Variants in ZC3H12B observed in about 807,000 individuals in gnomAD.
ZC3H12B encodes the protein probable ribonuclease ZC3H12B.
A neutral mutation model predicts 43.9 loss-of-function variants in ZC3H12B; 7 were observed. The observed-to-expected ratio is 0.16, with a 90% CI of 0.09 to 0.30. The LOEUF (loss-of-function observed/expected upper bound fraction) is 0.30. Ranked by LOEUF, ZC3H12B falls within the 10% of genes least tolerant of loss-of-function variation. The pLI, the probability that ZC3H12B is intolerant of heterozygous loss-of-function variation, is 1.00. For missense variants in ZC3H12B, 475 were observed against 670.2 expected, an observed-to-expected ratio of 0.71 and a Z score of 3.22; for synonymous variants, 222 against 241.7, an observed-to-expected ratio of 0.92 and a Z score of 0.76.
At chrX:65,060,782 C>T in the ZC3H12B span, among the ~76,000 whole-genome samples, 3 of 112,152 alleles carry the variant, frequency 2.7e-5, no homozygotes, top group Admixed American at 2.8e-4. Context: ...CTCATCATCA[C>T]TGGTTTGGAA....
chrX:65,256,290 A>T, the ZC3H12B span, among the ~76,000 whole-genome samples: 2 of 112,131 alleles, frequency 1.8e-5, no homozygotes, highest in Non-Finnish European at 3.8e-5. Context: ...GTTGGACATA[A>T]AACCATTTCC....
At chrX:65,221,790 G>C in the ZC3H12B span, among the ~76,000 whole-genome samples, 1 of 110,759 alleles carries the variant, frequency 9.0e-6, no homozygotes, top group African/African-American at 3.3e-5. Flanking sequence ...TGCAAGTCCT[G>C]TTGACAATAT....
chrX:65,120,123 A>G, the ZC3H12B span, among the ~76,000 whole-genome samples: 1 of 111,869 alleles, frequency 8.9e-6, no homozygotes, highest in African/African-American at 3.2e-5. Flanking sequence ...TTAACTTGGC[A>G]GTGCAGGCTC....
chrX:65,154,834 C>A, the ZC3H12B span, among the ~76,000 whole-genome samples: 3 of 111,832 alleles, frequency 2.7e-5, no homozygotes, highest in Admixed American at 1.9e-4. Flanking sequence ...CAGAGCAAGA[C>A]CCTGTCTAAT....
intron 3 of ZC3H12B, among the ~76,000 whole-genome samples, chrX:65,425,192 A>G (rs1041501203): frequency 2.2e-4 from 24 of 111,321 alleles, no homozygotes; most frequent in Non-Finnish European, 4.3e-4. Flanking sequence ...TTCCTTTGTT[A>G]GCTCTATTCC....
At chrX:65,430,344 CTT>C (rs1242032604) in intron 3 of ZC3H12B, among the ~76,000 whole-genome samples, 2 of 98,802 alleles carry the variant, frequency 2.0e-5, no homozygotes, top group African/African-American at 3.6e-5. Context: ...CTCACCACTT[CTT>C]TTTTTTTTTT....
upstream of ZC3H12B, among the ~76,000 whole-genome samples, chrX:65,488,122 C>T (rs1435876098): frequency 4.5e-5 from 5 of 110,972 alleles, no homozygotes; most frequent in Middle Eastern, 0.014. Flanking sequence ...CCGCCCGCCT[C>T]GGCCTCCCAA....
the ZC3H12B span, among the ~76,000 whole-genome samples, chrX:65,314,782 C>T: frequency 1.8e-5 from 2 of 110,620 alleles, no homozygotes; most frequent in Non-Finnish European, 3.8e-5. Context: ...ATATATATAA[C>T]TATCTATTGA....
chrX:65,435,642 T>TA (rs1157942486), intron 3 of ZC3H12B, among the ~76,000 whole-genome samples: 1 of 85,471 alleles, frequency 1.2e-5, no homozygotes, highest in African/African-American at 4.4e-5. Context: ...ACAGAACCAA[T>TA]AGGATAGATA....
the ZC3H12B span, among the ~76,000 whole-genome samples, chrX:65,074,538 T>C: frequency 8.9e-6 from 1 of 112,181 alleles, no homozygotes; most frequent in Non-Finnish European, 1.9e-5. Flanking sequence ...ATTTAGGCTA[T>C]TATTTCTTTA....
chrX:65,293,203 C>T, the ZC3H12B span, among the ~76,000 whole-genome samples: 3 of 110,814 alleles, frequency 2.7e-5, no homozygotes, highest in South Asian at 1.2e-3. Flanking sequence ...TCAGTACCAC[C>T]CTGGAGTCTG....
chrX:65,262,584 T>C, the ZC3H12B span, among the ~76,000 whole-genome samples: 1 of 111,218 alleles, frequency 9.0e-6, no homozygotes, highest in East Asian at 2.8e-4. Context: ...GCTGTCAATA[T>C]CATGATAGAG....
At chrX:65,159,480 A>G in the ZC3H12B span, among the ~76,000 whole-genome samples, 25 of 111,570 alleles carry the variant, frequency 2.2e-4, no homozygotes, top group Non-Finnish European at 3.8e-4. Flanking sequence ...GAGGTCCTTC[A>G]CATCCCTTGT....
the ZC3H12B span, among the ~76,000 whole-genome samples, chrX:65,063,642 G>A: frequency 8.9e-6 from 1 of 112,033 alleles, no homozygotes; most frequent in African/African-American, 3.2e-5. Flanking sequence ...TCTCTGCCAG[G>A]TTTTGGTATC....
intron 2 of ZC3H12B, among the ~76,000 whole-genome samples, chrX:65,372,453 A>T (rs892710307): frequency 1.9e-5 from 2 of 108,067 alleles, no homozygotes; most frequent in Non-Finnish European, 3.8e-5. Context: ...GGAGGGAGGG[A>T]AGAAGAGAGG....
chrX:65,227,940 A>G, the ZC3H12B span, among the ~76,000 whole-genome samples: 1 of 111,925 alleles, frequency 8.9e-6, no homozygotes, highest in Non-Finnish European at 1.9e-5. Context: ...TCACAGCCGA[A>G]TTCTACCAGA....
chrX:65,200,458 A>G, the ZC3H12B span, among the ~76,000 whole-genome samples: 1 of 82,534 alleles, frequency 1.2e-5, no homozygotes, highest in South Asian at 6.4e-4. Context: ...TTTGACACAG[A>G]GTATCACTGA....
chrX:65,194,588 C>T, the ZC3H12B span, among the ~76,000 whole-genome samples: 1 of 111,340 alleles, frequency 9.0e-6, no homozygotes, highest in Admixed American at 9.5e-5. Flanking sequence ...TGGTTTTGAC[C>T]TAATATATGG....
Position 65,413,140 on chromosome X carries a change from C to T in ZC3H12B, n.407+14436C>T, listed in dbSNP as rs767552717. On this transcript the variant is annotated intron_variant and non_coding_transcript_variant, in intron 3 of 5. Coordinates refer to the ZC3H12B transcript ENST00000617377. Reference sequence around the variant, plus strand: ...CCTTTCCCCATTTTTTTTAAAAAATCGGGCTGTTTGTCCTTTTGTTGTTGA... The same window carrying T: ...CCTTTCCCCATTTTTTTTAAAAAATTGGGCTGTTTGTCCTTTTGTTGTTGA... Among the ~76,000 whole-genome samples, 4 of 110,776 alleles carry T rather than the reference C, an allele frequency of 3.6e-5. No homozygotes were observed. In the East Asian group the frequency reaches 1.1e-3, roughly 31 times the overall value.
Sources: allele counts gnomAD v4.1 joint callset (sites outside exome capture counted in the v4.1 genomes callset), GRCh38; gene constraint gnomAD v4.1.1; transcripts MANE v1.5; gene names NCBI Gene and HGNC (gene_info 2026-07-23, HGNC 2026-07-21).